COL3A1: variants seen among roughly 807,000 people sequenced by gnomAD.
COL3A1 encodes the protein collagen alpha-1(III) chain.
In COL3A1, 46 loss-of-function variants were observed where a neutral mutation model predicts 200.9. That is an observed-to-expected ratio of 0.23 (90% CI 0.18 to 0.29). The LOEUF is 0.29. Among genes scored for constraint, COL3A1 ranks in the 10% least tolerant of loss-of-function variants. COL3A1 has a pLI of 1.00. For missense variants in COL3A1, 1,367 were observed against 1,917.6 expected (o/e 0.71, Z 5.36); for synonymous variants, 650 against 628.0 (o/e 1.03, Z -0.52).
chr2:188,996,432 C>T lies in COL3A1; in HGVS notation c.1697C>T (p.Pro566Leu), dbSNP rs150543864. ...GGAGAAAGTGGTCGACCAGGTCCTC[C>T]TGGGCCATCTGGTCCCCGAGGTCAG... ...SQGESGRPGP[P>L]GPSGPRGQPG... Residue 566 changes from proline to leucine, a missense_variant, in exon 24 of 51, where the codon CCT becomes CTT. Physicochemically the swap from Pro to Leu is moderately conservative, Grantham distance 98 (BLOSUM62 -3). Around this residue, in one of 5 missense-constraint regions of COL3A1, gnomAD observed 462 missense variants for 681.4 expected, o/e 0.68. Transcript: ENST00000304636. The T allele has an allele frequency of 9.3e-5, 150 of 1,613,926 alleles. No individual in the cohort carries two copies. The East Asian group carries it at 3.1e-3, about 33-fold the overall frequency.
Position 188,992,884 on chromosome 2 carries a change from CA to C in COL3A1, c.997-2del. On this transcript the variant is annotated splice_acceptor_variant, in intron 14 of 50. Coordinates refer to ENST00000304636, the MANE Select transcript of COL3A1 (RefSeq NM_000090.4). LOFTEE classifies it high-confidence loss of function. ...CTCTTGAAATTGTATTTAATTTTTT[CA>C]GGGCCCTCCTGGTCCTCCTGGAACT... is the stretch of plus-strand genomic sequence containing the variant. The C allele has an allele frequency of 6.2e-7, 1 of 1,613,718 alleles. No homozygotes were observed. The highest frequency in any genetic ancestry group is 8.5e-7 in the Non-Finnish European group (1 of 1,179,788).
At chr2:189,005,553 G>A (rs906450386) in intron 41 of COL3A1, 96 bp downstream of exon 41, 1 of 953,384 alleles carries the variant, frequency 1.0e-6, no homozygotes, top group East Asian at 2.5e-5. Flanking sequence ...GTGTAAATAT[G>A]GCCACATAGC....
chr2:188,982,221 C>T (rs531449892), intron 1 of COL3A1, among the ~76,000 whole-genome samples: 6 of 151,666 alleles, frequency 4.0e-5, no homozygotes, highest in East Asian at 1.9e-4. Context: ...TTAAAAAGTA[C>T]TATAATATGT....
chr2:189,002,278 G>C lies in COL3A1; in HGVS notation c.2392-20G>C. Reference sequence around the variant, plus strand: ...TGACGCACACTTCACTGTGACTAAGGAGGATATTTTTCTCTTCAGGGTGAG... The same window carrying C: ...TGACGCACACTTCACTGTGACTAAGCAGGATATTTTTCTCTTCAGGGTGAG... On this transcript the variant is annotated intron_variant, in intron 34 of 50. Coordinates refer to ENST00000304636, the MANE Select transcript of COL3A1 (RefSeq NM_000090.4). 6.2e-7 allele frequency: 1 copy of C among 1,607,974 alleles called. No individual in the cohort carries two copies. Among genetic ancestry groups the C allele is most frequent in the Non-Finnish European group, 8.5e-7 (1 of 1,174,424 alleles).
At chr2:188,996,808 G>A (rs549171401) in intron 24 of COL3A1, among the ~76,000 whole-genome samples, 4 of 152,204 alleles carry the variant, frequency 2.6e-5, no homozygotes, top group African/African-American at 9.6e-5. Context: ...TGCCAACATG[G>A]TGAAACCCTG....
chr2:189,007,748 G>A lies in COL3A1; in HGVS notation c.3364-137G>A, dbSNP rs986611704. The A allele has an allele frequency of 4.8e-6, 6 of 1,247,956 alleles. No homozygotes were observed. The Admixed American group carries it at 7.4e-5, about 15-fold the overall frequency. The allele number at this position is 1,247,956 out of a possible 1,614,324, so 77.3% of individuals were successfully genotyped here. A position where few individuals can be genotyped will look rare whatever the true frequency, so the allele number is the denominator to read the frequency against. On this transcript the variant is annotated intron_variant, in intron 45 of 50. Coordinates refer to ENST00000304636, the MANE Select transcript of COL3A1 (RefSeq NM_000090.4). ...GAAGGCTAATTTGAAACAACAATCA[G>A]CATGACACAATGGGAAGATTAAAGA...
intron 22 of COL3A1, 46 bp downstream of exon 22, chr2:188,995,836 G>C: frequency 7.0e-7 from 1 of 1,438,032 alleles, no homozygotes; most frequent in Non-Finnish European, 9.6e-7. Context: ...TTAGACAGAA[G>C]AAAGGCAAGA....
chr2:189,008,452 A>G (rs1559062793), intron 47 of COL3A1: 2 of 445,220 alleles, frequency 4.5e-6, no homozygotes, highest in African/African-American at 2.0e-5. Flanking sequence ...TACAACATTC[A>G]TAATTATCTG....
At chr2:188,997,912 C>T in intron 27 of COL3A1, among the ~76,000 whole-genome samples, 159 bp downstream of exon 27, 1 of 152,170 alleles carries the variant, frequency 6.6e-6, no homozygotes, top group East Asian at 1.9e-4. Flanking sequence ...TCTTCCATGT[C>T]CGTTCCAGAG....
intron 13 of COL3A1, 78 bp from the exon 14 acceptor site, chr2:188,992,106 C>G: frequency 2.1e-6 from 3 of 1,421,760 alleles, no homozygotes; most frequent in Non-Finnish European, 3.0e-6. Context: ...TCACTTGAGT[C>G]AGAATTTTGG....
intron 40 of COL3A1, 74 bp downstream of exon 40, chr2:189,004,438 A>T: frequency 7.1e-7 from 1 of 1,403,264 alleles, no homozygotes; most frequent in Non-Finnish European, 9.8e-7. Context: ...CATATCAAGG[A>T]TGAAAAGTTT....
At chr2:188,980,830 A>G (rs1687937120) in intron 1 of COL3A1, among the ~76,000 whole-genome samples, 2 of 151,302 alleles carry the variant, frequency 1.3e-5, no homozygotes, top group African/African-American at 4.8e-5. Flanking sequence ...TCAATTGGAA[A>G]CTATATGAAT....
Position 188,988,594 on chromosome 2 carries a change from C to A in COL3A1, c.587C>A (p.Ser196Tyr). ...GTSGHPGSPGSPGYQGPPGEP... is the reference protein window; with the variant it reads ...GTSGHPGSPGYPGYQGPPGEP... ...TTTACATATTCTACTCACTAGGGAT[C>A]TCCAGGATACCAAGGACCCCCTGGT... The change falls in exon 7 of 51, where the codon TCT (serine) becomes TAT (tyrosine). Residue 196 changes from serine (S) to tyrosine (Y), a missense_variant. Physicochemically the swap from Ser to Tyr is moderately radical, Grantham distance 144. Coordinates refer to ENST00000304636, the MANE Select transcript of COL3A1 (RefSeq NM_000090.4). The A allele has an allele frequency of 6.2e-7, 1 of 1,602,096 alleles. No homozygotes were observed. The highest frequency in any genetic ancestry group is 8.5e-7 in the Non-Finnish European group (1 of 1,169,984).
In COL3A1 at chr2:188,997,764, GTTAT is replaced by G; in HGVS notation, c.1923+15_1923+18del. 1 of 1,613,514 alleles carries G rather than the reference GTTAT, an allele frequency of 6.2e-7. No individual in the cohort carries two copies. Among genetic ancestry groups the G allele is most frequent in the Admixed American group, 1.7e-5 (1 of 59,998 alleles). On this transcript the variant is annotated intron_variant, in intron 27 of 50. Transcript: ENST00000304636. ...CCACAAGGATTACAAGTAAGAACTTGTTATTTAAATGTCACGGCATATCTGACTG... is the reference window on the plus strand; with the variant it reads ...CCACAAGGATTACAAGTAAGAACTTGTTAAATGTCACGGCATATCTGACTG...
At chr2:189,000,284 A>G (rs1688428313) in intron 32 of COL3A1, among the ~76,000 whole-genome samples, 1 of 152,230 alleles carries the variant, frequency 6.6e-6, no homozygotes, top group Non-Finnish European at 1.5e-5. Context: ...ATTTAGCAAC[A>G]AAAAGGAATG....
chr2:189,001,282 T>G (rs1345242664), intron 32 of COL3A1, 115 bp from the exon 33 acceptor site: 5 of 1,027,542 alleles, frequency 4.9e-6, no homozygotes, highest in African/African-American at 3.3e-5. Context: ...TAAAAATTTT[T>G]AAAAAGTATG....
intron 40 of COL3A1, 50 bp from the exon 41 acceptor site, chr2:189,005,300 A>G: frequency 6.9e-7 from 1 of 1,459,102 alleles, no homozygotes. Flanking sequence ...ACACCATTTT[A>G]ATTGATTTCT....
In COL3A1 at chr2:189,008,341, TAA is replaced by T. The variant is rs570188300; in HGVS notation, c.3525+203_3525+204del. 6.6e-3 allele frequency: 4,004 copies of T among 608,184 alleles called. 24 individuals are homozygous for T. The highest frequency in any genetic ancestry group is 9.3e-3 in the Non-Finnish European group (3,199 of 345,244). The allele number at this position is 608,184 out of a possible 1,614,324, so 37.7% of individuals were successfully genotyped here. A position where few individuals can be genotyped will look rare whatever the true frequency, so the allele number is the denominator to read the frequency against. On this transcript the variant is annotated intron_variant, in intron 47 of 50. Transcript: ENST00000304636. ...CTATAACAGGAGAAAAATACCTTTTTAAAAATTTGATCAGGTATCCATCGTAT... is the reference window on the plus strand; with the variant it reads ...CTATAACAGGAGAAAAATACCTTTTTAAATTTGATCAGGTATCCATCGTAT...
chr2:188,991,576 T>A, intron 12 of COL3A1, 45 bp downstream of exon 12: 1 of 1,601,312 alleles, frequency 6.2e-7, no homozygotes, highest in Non-Finnish European at 8.6e-7. Flanking sequence ...ATTATTAACC[T>A]CATTGTTACC....
Sources: gnomAD v4.1 joint callset for allele counts (sites outside exome capture counted in the v4.1 genomes callset) on GRCh38, gnomAD v4.1.1 for gene constraint, gnomAD v4.1.1 regional missense constraint, MANE v1.5 for transcripts, NCBI Gene and HGNC (gene_info 2026-07-23, HGNC 2026-07-21) for gene names.